Variants in STXBP5L observed in about 807,000 individuals in gnomAD.
STXBP5L encodes the protein syntaxin binding protein 5L.
STXBP5L carries 65 observed loss-of-function variants against 144.5 expected under a neutral mutation model. The ratio of observed to expected loss-of-function variants is 0.45; its 90% confidence interval spans 0.37 to 0.55. The LOEUF (loss-of-function observed/expected upper bound fraction) is 0.55, where lower values mean the gene tolerates loss of function less well. STXBP5L is among the 20% of genes least tolerant of loss of function. The probability of loss-of-function intolerance (pLI) is 0.00; values close to 1 mark genes in which losing one functional copy is unlikely to be tolerated. For missense variants in STXBP5L, 1,298 were observed against 1,405.5 expected (o/e 0.92, Z 1.22); for synonymous variants, 505 against 469.6 (o/e 1.08, Z -0.97).
At chr3:121,311,236 G>C (rs1010106903) in intron 19 of STXBP5L, among the ~76,000 whole-genome samples, 4 of 152,138 alleles carry the variant, frequency 2.6e-5, no homozygotes, top group Non-Finnish European at 5.9e-5. Flanking sequence ...TGGAGATATT[G>C]AGCAATTGGA....
intron 5 of STXBP5L, among the ~76,000 whole-genome samples, chr3:121,054,316 C>G (rs1275159236): frequency 2.0e-5 from 3 of 151,972 alleles, no homozygotes; most frequent in African/African-American, 7.3e-5. Context: ...GCACTATTCA[C>G]AATAGCAAAG....
At chr3:121,311,199 T>C (rs1001167487) in intron 19 of STXBP5L, among the ~76,000 whole-genome samples, 1 of 152,172 alleles carries the variant, frequency 6.6e-6, no homozygotes, top group Non-Finnish European at 1.5e-5. Context: ...AGGACTAAGA[T>C]TTTAAGAGAC....
intron 3 of STXBP5L, among the ~76,000 whole-genome samples, chr3:120,974,059 T>A (rs9862017): frequency 6.6e-6 from 1 of 152,114 alleles, no homozygotes; most frequent in African/African-American, 2.4e-5. Flanking sequence ...ATATACCGAG[T>A]AATGGGATGG....
intron 5 of STXBP5L, among the ~76,000 whole-genome samples, chr3:121,056,854 T>G (rs1948495233): frequency 6.6e-6 from 1 of 151,652 alleles, no homozygotes; most frequent in South Asian, 2.1e-4. Context: ...AAACCATATA[T>G]TTTTACATAT....
intron 10 of STXBP5L, among the ~76,000 whole-genome samples, chr3:121,216,359 G>C (rs951316617): frequency 1.3e-5 from 2 of 152,062 alleles, no homozygotes; most frequent in Non-Finnish European, 2.9e-5. Context: ...CTTCGGATGG[G>C]GTTTTTGTGT....
chr3:121,406,607 AC>A (rs2046998470), intron 22 of STXBP5L, among the ~76,000 whole-genome samples: 1 of 151,950 alleles, frequency 6.6e-6, no homozygotes, highest in African/African-American at 2.4e-5. Context: ...GGTGAGTAAA[AC>A]CCCTTTCTGT....
chr3:121,314,461 G>A (rs774885352), intron 19 of STXBP5L, among the ~76,000 whole-genome samples: 5 of 143,038 alleles, frequency 3.5e-5, no homozygotes, highest in African/African-American at 7.8e-5. Flanking sequence ...CAGGCGTGGC[G>A]GCGCGCGCCT....
intron 3 of STXBP5L, among the ~76,000 whole-genome samples, chr3:120,956,433 C>CT (rs1226319496): frequency 1.3e-5 from 2 of 151,844 alleles, no homozygotes; most frequent in Non-Finnish European, 2.9e-5. Flanking sequence ...CAGTATTCTT[C>CT]TTTTTTGTGA....
At chr3:121,270,726 T>A (rs1207837870) in intron 18 of STXBP5L, among the ~76,000 whole-genome samples, 1 of 152,194 alleles carries the variant, frequency 6.6e-6, no homozygotes, top group Non-Finnish European at 1.5e-5. Context: ...GTGCTGAGAT[T>A]ACAGGCGTGA....
chr3:121,346,203 G>T (rs2044968658), intron 20 of STXBP5L, among the ~76,000 whole-genome samples: 1 of 150,236 alleles, frequency 6.7e-6, no homozygotes, highest in Non-Finnish European at 1.5e-5. Context: ...GAACATGAGT[G>T]TTTGATTTTT....
rs374183068 is a variant in STXBP5L at position 121,100,068 on chromosome 3, G to A, written c.471-14857G>A. On this transcript the variant is annotated intron_variant, in intron 5 of 26. Coordinates refer to ENST00000471454, the MANE Select transcript of STXBP5L (RefSeq NM_001308330.2). ...AAATTTAACTATCCCAAATATATAT[G>A]CACCCAAATTGGAGCACCCAGATTT... 1.1e-3 allele frequency among the ~76,000 whole-genome samples: 171 copies of A among 152,212 alleles called. 4 individuals are homozygous for A. The South Asian group carries it at 0.033, about 29-fold the overall frequency.
intron 5 of STXBP5L, among the ~76,000 whole-genome samples, chr3:121,068,645 AT>A (rs560415165): frequency 6.6e-6 from 1 of 151,404 alleles, no homozygotes; most frequent in Non-Finnish European, 1.5e-5. Flanking sequence ...TCTTTGGATT[AT>A]TTTTTTTGTA....
chr3:121,057,345 G>C (rs950651002), intron 5 of STXBP5L, among the ~76,000 whole-genome samples: 1 of 150,574 alleles, frequency 6.6e-6, no homozygotes, highest in African/African-American at 2.5e-5. Context: ...CTATTTCTTT[G>C]TTTGTTTGTA....
At chr3:121,196,985 T>TTTTTC (rs1175830899) in intron 9 of STXBP5L, among the ~76,000 whole-genome samples, 2 of 152,168 alleles carry the variant, frequency 1.3e-5, no homozygotes, top group African/African-American at 2.4e-5. Context: ...GCTCAGCCTT[T>TTTTTC]TTTTCTTTTC....
chr3:121,126,773 TG>T (rs2044721161), intron 7 of STXBP5L, among the ~76,000 whole-genome samples: 1 of 152,206 alleles, frequency 6.6e-6, no homozygotes. Context: ...CAGGTCTCAC[TG>T]GGCAAAAATC....
chr3:121,025,925 TATA>T lies in STXBP5L; in HGVS notation c.288-15772_288-15770del, dbSNP rs1945898003. On this transcript the variant is annotated intron_variant, in intron 3 of 26. Transcript: ENST00000471454. The stretch of plus-strand genomic sequence containing the variant: ...AATTATATAAATTTATAAATATATC[TATA>T]ATTTTATAAATTATATCAATATATC... 4.2e-5 allele frequency among the ~76,000 whole-genome samples: 5 copies of T among 119,376 alleles called. 1 individual carries two copies. In the South Asian group the frequency reaches 1.3e-3, roughly 30 times the overall value. 78.3% of individuals were successfully genotyped at this position (119,376 alleles called of 152,430 possible). A position where few individuals can be genotyped will look rare whatever the true frequency, so the allele number is the denominator to read the frequency against.
intron 2 of STXBP5L, among the ~76,000 whole-genome samples, chr3:120,927,173 G>A (rs1390216974): frequency 1.3e-5 from 2 of 152,088 alleles, no homozygotes; most frequent in African/African-American, 2.4e-5. Context: ...CTGACCTCAT[G>A]ATCCACCCAC....
chr3:121,372,195 C>A (rs1192377591), intron 20 of STXBP5L, among the ~76,000 whole-genome samples: 1 of 152,120 alleles, frequency 6.6e-6, no homozygotes, highest in Non-Finnish European at 1.5e-5. Context: ...CTAGGGGCTG[C>A]ACTACAGACA....
intron 20 of STXBP5L, among the ~76,000 whole-genome samples, chr3:121,322,356 C>T (rs1363326382): frequency 6.6e-6 from 1 of 151,412 alleles, no homozygotes; most frequent in Non-Finnish European, 1.5e-5. Context: ...TGCATGCCTG[C>T]AATCCCAGCT....
Sources: gnomAD v4.1 joint callset for allele counts (sites outside exome capture counted in the v4.1 genomes callset) on GRCh38, gnomAD v4.1.1 for gene constraint, MANE v1.5 for transcripts, NCBI Gene and HGNC (gene_info 2026-07-23, HGNC 2026-07-21) for gene names.